The following KYNU variants were observed in gnomAD, a reference collection of about 807,000 sequenced individuals.
KYNU encodes kynureninase.
In KYNU, 54 loss-of-function variants were observed where a neutral mutation model predicts 59.2. That is an observed-to-expected ratio of 0.91 (90% CI 0.73 to 1.14). The LOEUF (loss-of-function observed/expected upper bound fraction) is 1.14. KYNU is among the 50% of genes most tolerant of loss of function. KYNU has a pLI of 0.00. For synonymous variants in KYNU, 177 were observed against 192.0 expected (o/e 0.92, Z 0.65); for missense variants, 567 against 554.4 (o/e 1.02, Z -0.23).
At chr2:142,925,939 A>C (rs1227913305) in intron 3 of KYNU, among the ~76,000 whole-genome samples, 2 of 152,218 alleles carry the variant, frequency 1.3e-5, no homozygotes, top group African/African-American at 4.8e-5. Context: ...TACCCAGAAA[A>C]AATGGGTTTT....
In KYNU at chr2:143,011,096, C is replaced by T. The variant is rs28859939; in HGVS notation, c.903-18531C>T. ...TTAAACTAAAGAGCTTCTGCACAGC[C>T]AAAGAAACTACCATCAGAGTGAACA... On this transcript the variant is annotated intron_variant, in intron 10 of 13. Transcript: ENST00000264170. Among the ~76,000 whole-genome samples the T allele has an allele frequency of 3.4e-5, 5 of 144,938 alleles. 2 individuals carry two copies. Among genetic ancestry groups the T allele is most frequent in the African/African-American group, 1.3e-4 (5 of 38,656 alleles).
chr2:143,032,711 T>TTTTGTGTGTGTGTGTGTGTGTG (rs1553491691), intron 11 of KYNU, among the ~76,000 whole-genome samples: 3 of 129,370 alleles, frequency 2.3e-5, no homozygotes, highest in African/African-American at 5.8e-5. Flanking sequence ...GCTCCCTCTA[T>TTTTGTGTGTGTGTGTGTGTGTG]TGTGTGTGTG....
At chr2:142,963,738 C>T (rs1399905709) in intron 8 of KYNU, among the ~76,000 whole-genome samples, 1 of 152,144 alleles carries the variant, frequency 6.6e-6, no homozygotes, top group Non-Finnish European at 1.5e-5. Flanking sequence ...ACATAGTCAG[C>T]TTTGTCCATT....
intron 8 of KYNU, among the ~76,000 whole-genome samples, chr2:142,972,940 A>G (rs1184823828): frequency 6.7e-6 from 1 of 149,744 alleles, no homozygotes; most frequent in Non-Finnish European, 1.5e-5. Context: ...CAGATTACCA[A>G]GAAAAGAAAG....
At chr2:142,881,624 T>C (rs1393263023) in intron 1 of KYNU, among the ~76,000 whole-genome samples, 3 of 152,228 alleles carry the variant, frequency 2.0e-5, no homozygotes, top group East Asian at 1.9e-4. Context: ...ACAGTCTGAA[T>C]TGAGAAATAT....
At chr2:142,897,181 T>C (rs1266960270) in intron 2 of KYNU, among the ~76,000 whole-genome samples, 1 of 152,258 alleles carries the variant, frequency 6.6e-6, no homozygotes, top group African/African-American at 2.4e-5. Context: ...TGACTCTCCA[T>C]GTGCATTTAA....
intron 10 of KYNU, among the ~76,000 whole-genome samples, chr2:142,992,692 T>TCTCAG (rs1168061666): frequency 5.3e-5 from 8 of 152,002 alleles, no homozygotes; most frequent in African/African-American, 1.9e-4. Flanking sequence ...TTGCATTTTA[T>TCTCAG]CTCACATAGG....
chr2:142,990,812 G>T (rs1685377660), intron 10 of KYNU, among the ~76,000 whole-genome samples: 1 of 151,800 alleles, frequency 6.6e-6, no homozygotes, highest in Non-Finnish European at 1.5e-5. Flanking sequence ...TCCATAATCA[G>T]CTAGAGGTAT....
intron 8 of KYNU, among the ~76,000 whole-genome samples, chr2:142,971,871 T>C (rs1217111376): frequency 6.6e-6 from 1 of 152,234 alleles, no homozygotes; most frequent in East Asian, 1.9e-4. Flanking sequence ...AAGATGCTTT[T>C]TGTAAGTTTT....
intron 10 of KYNU, among the ~76,000 whole-genome samples, chr2:143,010,605 T>A: frequency 7.0e-6 from 1 of 142,666 alleles, no homozygotes; most frequent in Non-Finnish European, 1.5e-5. Context: ...CATCACCAAG[T>A]CAATCCTAAG....
At chr2:142,969,807 T>C (rs1334937147) in intron 8 of KYNU, among the ~76,000 whole-genome samples, 2 of 152,152 alleles carry the variant, frequency 1.3e-5, no homozygotes, top group Non-Finnish European at 2.9e-5. Context: ...ACCTAGGGCC[T>C]CCCGAAGGAA....
chr2:143,042,419 G>A lies in KYNU; in HGVS notation c.*247G>A. On this transcript the variant is annotated 3_prime_UTR_variant, in exon 14 of 14. Coordinates refer to ENST00000264170, the MANE Select transcript of KYNU (RefSeq NM_003937.3). ...TGTTGGTTCAAGTATTATCTATACA[G>A]TCTCTATAAGCTGTCACATTTCATG... The A allele has an allele frequency of 2.7e-6, 1 of 363,914 alleles. No individual in the cohort carries two copies. Among genetic ancestry groups the A allele is most frequent in the South Asian group, 3.3e-5 (1 of 29,950 alleles). 22.5% of individuals were successfully genotyped at this position (363,914 alleles called of 1,614,324 possible).
chr2:142,985,508 C>CAT (rs1362397538), intron 9 of KYNU, among the ~76,000 whole-genome samples: 1 of 151,642 alleles, frequency 6.6e-6, no homozygotes, highest in Non-Finnish European at 1.5e-5. Flanking sequence ...GAAATTTCTG[C>CAT]ATATATAAAG....
intron 10 of KYNU, among the ~76,000 whole-genome samples, chr2:142,992,376 G>A (rs1685420521): frequency 6.6e-6 from 1 of 151,454 alleles, no homozygotes; most frequent in African/African-American, 2.4e-5. Flanking sequence ...ATATCATTTT[G>A]TCAAGAAATA....
intron 2 of KYNU, among the ~76,000 whole-genome samples, chr2:142,890,418 T>C (rs756094549): frequency 4.8e-4 from 73 of 152,194 alleles, no homozygotes; most frequent in Non-Finnish European, 8.5e-4. Flanking sequence ...TGTGCAAATT[T>C]ACATTTCCTC....
chr2:142,943,335 TA>T (rs540801135), intron 4 of KYNU, among the ~76,000 whole-genome samples: 1 of 152,084 alleles, frequency 6.6e-6, no homozygotes, highest in Non-Finnish European at 1.5e-5. Context: ...TAATTTACCA[TA>T]AAAAATTTTA....
chr2:143,035,394 C>A (rs926245544), intron 12 of KYNU, among the ~76,000 whole-genome samples: 4 of 152,192 alleles, frequency 2.6e-5, no homozygotes, highest in African/African-American at 7.2e-5. Flanking sequence ...GTTAATCAAG[C>A]CTTATGTTGG....
chr2:142,934,161 G>A (rs1421495185), intron 4 of KYNU, among the ~76,000 whole-genome samples: 1 of 152,128 alleles, frequency 6.6e-6, no homozygotes, highest in Non-Finnish European at 1.5e-5. Context: ...TGGTGAGGAG[G>A]CGAAAATGAT....
rs190573457 is a variant in KYNU, at chr2:143,024,328, A to C, written c.903-5299A>C. On this transcript the variant is annotated intron_variant, in intron 10 of 13. Transcript: ENST00000264170. ...GTTACCTTAATCTCCACATTTGTTC[A>C]GTCTCAGTCCTATAATTAAATATAT... Among the ~76,000 whole-genome samples the C allele has an allele frequency of 3.9e-3, 599 of 152,094 alleles. 4 individuals carry two copies. The highest frequency in any genetic ancestry group is 0.014 in the African/African-American group (571 of 41,560).
Sources: allele counts gnomAD v4.1 joint callset (sites outside exome capture counted in the v4.1 genomes callset), GRCh38; gene constraint gnomAD v4.1.1; transcripts MANE v1.5; gene names NCBI Gene and HGNC (gene_info 2026-07-23, HGNC 2026-07-21).